FGD5: variants seen among roughly 807,000 people sequenced by gnomAD.
FGD5 encodes FYVE, RhoGEF and PH domain containing 5, also known as FYVE, RhoGEF and PH domain-containing protein 5.
FGD5 carries 28 observed loss-of-function variants against 133.4 expected under a neutral mutation model. The observed-to-expected ratio is 0.21, with a 90% CI of 0.16 to 0.29. The LOEUF is 0.29. Ranked by LOEUF, FGD5 falls within the 10% of genes least tolerant of loss-of-function variation. The pLI, the probability that FGD5 is intolerant of heterozygous loss-of-function variation, is 1.00. For missense variants in FGD5, 1,858 were observed against 1,895.2 expected, an observed-to-expected ratio of 0.98 and a Z score of 0.36; for synonymous variants, 810 against 776.5, an observed-to-expected ratio of 1.04 and a Z score of -0.72.
At chr3:14,898,942 G>A in intron 7 of FGD5, 116 bp downstream of exon 7, 2 of 893,024 alleles carry the variant, frequency 2.2e-6, no homozygotes, top group Non-Finnish European at 3.5e-6. Context: ...AGGTGTTGGG[G>A]AAGGGTGACC....
At chr3:14,878,787 G>A (rs554702118) in intron 2 of FGD5, among the ~76,000 whole-genome samples, 34 of 149,162 alleles carry the variant, frequency 2.3e-4, no homozygotes, top group Admixed American at 2.2e-3. Context: ...GTGCAATGGC[G>A]CAATCTCGGC....
chr3:14,900,722 AG>A (rs1273599586), intron 8 of FGD5, among the ~76,000 whole-genome samples: 2 of 152,106 alleles, frequency 1.3e-5, no homozygotes, highest in African/African-American at 4.8e-5. Context: ...TGGTGATAGG[AG>A]GGGTGGTGCC....
At chr3:14,861,254 T>C (rs959671831) in intron 1 of FGD5, among the ~76,000 whole-genome samples, 1 of 152,152 alleles carries the variant, frequency 6.6e-6, no homozygotes, top group Non-Finnish European at 1.5e-5. Context: ...TGAGTTGTCA[T>C]GTGTTGGGAA....
At chr3:14,895,573 TTTTG>T (rs1318969899) in intron 4 of FGD5, among the ~76,000 whole-genome samples, 5 of 152,112 alleles carry the variant, frequency 3.3e-5, no homozygotes, top group African/African-American at 4.8e-5. Context: ...TGTTTTGTTT[TTTTG>T]TTTGTTTGTT....
At chr3:14,841,525 G>A (rs555388539) in intron 1 of FGD5, among the ~76,000 whole-genome samples, 116 of 150,708 alleles carry the variant, frequency 7.7e-4, no homozygotes, top group Non-Finnish European at 6.8e-4. Context: ...TGGATTACTG[G>A]AGAGAGGAAG....
intron 1 of FGD5, chr3:14,811,209 G>A (rs971310478): frequency 4.6e-5 from 7 of 152,354 alleles, no homozygotes; most frequent in African/African-American, 1.4e-4. Flanking sequence ...AAGCGACTTC[G>A]TCTGGCCCCA....
At chr3:14,881,391 C>T (rs946066169) in intron 4 of FGD5, among the ~76,000 whole-genome samples, 28 of 152,114 alleles carry the variant, frequency 1.8e-4, no homozygotes, top group Non-Finnish European at 8.8e-5. Context: ...TTTGAGCTCT[C>T]GCTGCATAAC....
intron 4 of FGD5, among the ~76,000 whole-genome samples, chr3:14,883,863 G>A (rs1475091821): frequency 2.0e-5 from 3 of 152,190 alleles, no homozygotes; most frequent in Non-Finnish European, 4.4e-5. Flanking sequence ...GAAGGTTTGC[G>A]GAAGAGGTGC....
chr3:14,829,301 G>A (rs765798181), intron 1 of FGD5, among the ~76,000 whole-genome samples: 1 of 152,200 alleles, frequency 6.6e-6, no homozygotes, highest in Admixed American at 6.5e-5. Context: ...GGGCAGGGGG[G>A]AGTCCATAGT....
Position 14,819,395 on chromosome 3 carries a change from A to G in FGD5, c.324A>G (p.Ala108=). Reference sequence around the variant, plus strand: ...AGGAGCGTGAAGAGGGAGGCGAGGCATGTGGCCTGGAGGGTACAGGAGCTG... The same window carrying G: ...AGGAGCGTGAAGAGGGAGGCGAGGCGTGTGGCCTGGAGGGTACAGGAGCTG... ...EEEEREEGGE[A]CGLEGTGAGE... The change falls in exon 1 of 20, where the codon GCA becomes GCG. Residue 108 remains alanine (A), a synonymous_variant. Coordinates refer to ENST00000285046, the MANE Select transcript of FGD5 (RefSeq NM_152536.4). This position sits in a 1 kb window ranked among gnomAD's most constrained non-coding sequence, Gnocchi z 4.1. 2 of 1,549,630 alleles carry G rather than the reference A, an allele frequency of 1.3e-6. No homozygotes were observed. The highest frequency in any genetic ancestry group is 2.4e-5 in the South Asian group (2 of 83,842).
At chr3:14,877,076 G>T (rs973131768) in intron 2 of FGD5, among the ~76,000 whole-genome samples, 1 of 152,018 alleles carries the variant, frequency 6.6e-6, no homozygotes. Context: ...AATAGCATGG[G>T]CCTTGGCACC....
intron 4 of FGD5, among the ~76,000 whole-genome samples, chr3:14,885,462 A>G (rs971035769): frequency 1.3e-5 from 2 of 152,120 alleles, no homozygotes; most frequent in Admixed American, 1.3e-4. Flanking sequence ...TGCATTCATG[A>G]TAAACAGTTT....
intron 2 of FGD5, among the ~76,000 whole-genome samples, chr3:14,870,188 C>G (rs1399905288): frequency 6.6e-6 from 1 of 152,170 alleles, no homozygotes; most frequent in Non-Finnish European, 1.5e-5. Flanking sequence ...TAGGGCAGAG[C>G]CTTCCAGGCA....
chr3:14,889,989 T>C (rs1388566510), intron 4 of FGD5, among the ~76,000 whole-genome samples: 1 of 152,320 alleles, frequency 6.6e-6, no homozygotes, highest in East Asian at 1.9e-4. Flanking sequence ...CTTACCCAGT[T>C]TTTTTTAACA....
intron 2 of FGD5, among the ~76,000 whole-genome samples, chr3:14,867,557 G>A (rs77672382): frequency 0.093 from 14,191 of 152,204 alleles, 832 homozygotes; most frequent in East Asian, 0.3. Flanking sequence ...ACTACCATGT[G>A]ACAGTCCCCC....
chr3:14,918,170 G>T (rs768256551), intron 12 of FGD5, among the ~76,000 whole-genome samples: 3 of 152,230 alleles, frequency 2.0e-5, no homozygotes, highest in African/African-American at 4.8e-5. Flanking sequence ...GAGCTGTTGG[G>T]GACTTTGAGG....
At chr3:14,909,248 G>T (rs568150026) in intron 10 of FGD5, among the ~76,000 whole-genome samples, 1 of 152,138 alleles carries the variant, frequency 6.6e-6, no homozygotes, top group African/African-American at 2.4e-5. Context: ...GATTACAGGC[G>T]TGAGCCACTG....
At chr3:14,895,472 C>A (rs1427470162) in intron 4 of FGD5, among the ~76,000 whole-genome samples, 1 of 152,170 alleles carries the variant, frequency 6.6e-6, no homozygotes, top group East Asian at 1.9e-4. Context: ...GTCCTTTCCC[C>A]AGTGTATATT....
At chr3:14,844,065 CCCAA>C (rs762376889) in intron 1 of FGD5, among the ~76,000 whole-genome samples, 46 of 150,180 alleles carry the variant, frequency 3.1e-4, no homozygotes, top group Non-Finnish European at 5.8e-4. Flanking sequence ...GGATTCCTAT[CCCAA>C]CCAGACAAGT....
Sources: gnomAD v4.1 joint callset for allele counts (sites outside exome capture counted in the v4.1 genomes callset) on GRCh38, gnomAD v4.1.1 for gene constraint, Gnocchi (gnomAD v3.1) non-coding constraint, MANE v1.5 for transcripts, NCBI Gene and HGNC (gene_info 2026-07-23, HGNC 2026-07-21) for gene names.